Variants in PALMD observed in about 807,000 individuals in gnomAD.
PALMD encodes the protein palmdelphin, also known as paralemmin-like protein.
In PALMD, 42 loss-of-function variants were observed where a neutral mutation model predicts 56.2. The observed-to-expected ratio is 0.75, with a 90% CI of 0.58 to 0.97. The LOEUF (loss-of-function observed/expected upper bound fraction) is 0.97, where lower values mean the gene tolerates loss of function less well. Ranked by LOEUF, PALMD falls within the 50% of genes least tolerant of loss-of-function variation. PALMD has a pLI of 0.00. For missense variants in PALMD, 660 were observed against 643.8 expected (o/e 1.03, Z -0.27); for synonymous variants, 242 against 222.9 (o/e 1.09, Z -0.76).
intron 6 of PALMD, 133 bp downstream of exon 6, chr1:99,687,322 T>C: frequency 2.1e-6 from 2 of 932,852 alleles, no homozygotes; most frequent in South Asian, 1.9e-5. Flanking sequence ...CTGTGAGTTA[T>C]GTGAGTCACC....
chr1:99,667,882 C>CT (rs35580645), intron 3 of PALMD, 116 bp downstream of exon 3: 29,823 of 753,190 alleles, frequency 0.04, no homozygotes, highest in South Asian at 0.055. Flanking sequence ...ATTTGAATTT[C>CT]TTTTTTTTTT....
chr1:99,659,852 T>C (rs562181745), intron 1 of PALMD, among the ~76,000 whole-genome samples: 5 of 152,194 alleles, frequency 3.3e-5, no homozygotes, highest in South Asian at 2.1e-4. Context: ...AGAGGCATCA[T>C]ATTACCCCTG....
At chr1:99,663,038 C>T (rs917957652) in intron 2 of PALMD, among the ~76,000 whole-genome samples, 11 of 152,116 alleles carry the variant, frequency 7.2e-5, no homozygotes, top group African/African-American at 2.7e-4. Context: ...AAGCAAATAA[C>T]AAACAGCAGC....
chr1:99,670,995 G>A (rs1017100079), intron 3 of PALMD, among the ~76,000 whole-genome samples: 6 of 152,150 alleles, frequency 3.9e-5, no homozygotes, highest in Admixed American at 6.6e-5. Context: ...CTTATTACCA[G>A]CTAAATCAGT....
intron 1 of PALMD, among the ~76,000 whole-genome samples, chr1:99,654,112 A>T (rs1434106306): frequency 1.4e-4 from 22 of 152,202 alleles, no homozygotes; most frequent in Non-Finnish European, 1.5e-5. Context: ...ATAGAAAATC[A>T]GGTTCAACAC....
chr1:99,685,846 C>G (rs1653480967), intron 3 of PALMD: 1 of 152,142 alleles, frequency 6.6e-6, no homozygotes. Context: ...TGCGTGATTG[C>G]CAGTGTCTCT....
chr1:99,660,937 A>C (rs1229641694), intron 1 of PALMD, among the ~76,000 whole-genome samples: 1 of 152,216 alleles, frequency 6.6e-6, no homozygotes, highest in Non-Finnish European at 1.5e-5. Flanking sequence ...TTCTCCTTAC[A>C]TGCAAAGAGA....
intron 3 of PALMD, among the ~76,000 whole-genome samples, chr1:99,681,864 AC>A (rs1653355106): frequency 1.3e-5 from 2 of 152,182 alleles, no homozygotes; most frequent in South Asian, 4.1e-4. Context: ...GAACCACTGT[AC>A]TAGATACACA....
chr1:99,646,867 T>A (rs1652455052), intron 1 of PALMD, among the ~76,000 whole-genome samples: 1 of 152,190 alleles, frequency 6.6e-6, no homozygotes, highest in South Asian at 2.1e-4. Flanking sequence ...AAAATGAATG[T>A]TAATATACGT....
At chr1:99,646,476 T>A in intron 1 of PALMD, 114 bp downstream of exon 1, 1 of 788,042 alleles carries the variant, frequency 1.3e-6, no homozygotes, top group Non-Finnish European at 2.3e-6. Context: ...ACTGTCAGCC[T>A]TCATGGACGA....
intron 2 of PALMD, 161 bp from the exon 3 acceptor site, chr1:99,667,481 A>G: frequency 1.5e-6 from 1 of 671,356 alleles, no homozygotes; most frequent in Non-Finnish European, 2.7e-6. Context: ...CAAGAAGGTT[A>G]CAATGAAAGA....
At chr1:99,685,002 T>C (rs1257045732) in intron 3 of PALMD, 1 of 152,168 alleles carries the variant, frequency 6.6e-6, no homozygotes, top group Non-Finnish European at 1.5e-5. Flanking sequence ...AGACTGTCTC[T>C]AACAGGCAAA....
rs1652792267 is a variant in PALMD at position 99,659,158 on chromosome 1, C to T, written c.46-3161C>T. Among the ~76,000 whole-genome samples the T allele has an allele frequency of 2.0e-5, 3 of 152,140 alleles. No individual in the cohort carries two copies. The South Asian group carries it at 6.2e-4, about 31-fold the overall frequency. ...GTTAATCAATAATATAACTAAAATA[C>T]TTACTTATACTCTTAAGCATTGTGC... On this transcript the variant is annotated intron_variant, in intron 1 of 7. Transcript: ENST00000263174.
chr1:99,681,167 C>T (rs888689773), intron 3 of PALMD, among the ~76,000 whole-genome samples: 1 of 150,104 alleles, frequency 6.7e-6, no homozygotes, highest in African/African-American at 2.5e-5. Context: ...AGAGCCCGGA[C>T]TTTAATCCTT....
At chr1:99,687,291 A>G (rs1653524843) in intron 6 of PALMD, 102 bp downstream of exon 6, 10 of 1,298,624 alleles carry the variant, frequency 7.7e-6, no homozygotes, top group East Asian at 2.5e-5. Flanking sequence ...CAGGTTAAGC[A>G]ATGGTTCACT....
rs200527745 is a variant in PALMD, at chr1:99,689,641, C to T, written c.1381C>T (p.Pro461Ser). The change falls in exon 7 of 8, where the codon CCG becomes TCG. Residue 461 changes from proline to serine, a missense_variant. Coordinates refer to ENST00000263174, the MANE Select transcript of PALMD (RefSeq NM_017734.5). ...EEEDEGEAEK[P>S]SYHPIAPHSQ... ...GGAGGATGAAGGAGAAGCAGAGAAA[C>T]CGTCCTACCACCCCATAGCTCCCCA... is the stretch of plus-strand genomic sequence containing the variant. 417 of 1,613,534 alleles carry T rather than the reference C, an allele frequency of 2.6e-4. No homozygotes were observed. The highest frequency in any genetic ancestry group is 3.4e-4 in the Non-Finnish European group (405 of 1,179,824).
intron 1 of PALMD, among the ~76,000 whole-genome samples, chr1:99,652,295 C>T (rs1443207859): frequency 6.6e-6 from 1 of 152,112 alleles, no homozygotes; most frequent in African/African-American, 2.4e-5. Flanking sequence ...CACCCCTGAC[C>T]CCTGTTCAGG....
chr1:99,689,825 T>TTGA lies in PALMD; in HGVS notation c.1568_1570dup (p.Asp523dup), dbSNP rs781383208. Reference sequence around the variant, plus strand: ...GGCAGCCCTGTCCACCATTCCCCATTTGATGCTCAGACAACTGGAGATGGG... The same window carrying TTGA: ...GGCAGCCCTGTCCACCATTCCCCATTTGATGATGCTCAGACAACTGGAGATGGG... On this transcript the variant is annotated inframe_insertion, in exon 7 of 8. Transcript: ENST00000263174. 8 of 1,612,726 alleles carry TTGA rather than the reference T, an allele frequency of 5.0e-6. No homozygotes were observed. Among genetic ancestry groups the TTGA allele is most frequent in the Non-Finnish European group, 6.8e-6 (8 of 1,179,712 alleles).
intron 2 of PALMD, 58 bp from the exon 3 acceptor site, chr1:99,667,584 G>T: frequency 6.9e-7 from 1 of 1,442,846 alleles, no homozygotes; most frequent in South Asian, 1.2e-5. Flanking sequence ...AAAGCAGTAA[G>T]AGATTTTGGA....
Sources: allele counts gnomAD v4.1 joint callset (sites outside exome capture counted in the v4.1 genomes callset), GRCh38; gene constraint gnomAD v4.1.1; transcripts MANE v1.5; gene names NCBI Gene and HGNC (gene_info 2026-07-23, HGNC 2026-07-21).